Variants in CDKL5 observed in about 807,000 individuals in gnomAD.
The protein encoded by CDKL5 is cyclin-dependent kinase-like 5.
CDKL5 carries 8 observed loss-of-function variants against 61.7 expected under a neutral mutation model. The observed-to-expected ratio is 0.13, with a 90% CI of 0.08 to 0.23. The LOEUF (loss-of-function observed/expected upper bound fraction) is 0.23, where lower values mean the gene tolerates loss of function less well. Among genes scored for constraint, CDKL5 ranks in the 10% least tolerant of loss-of-function variants. The pLI, the probability that CDKL5 is intolerant of heterozygous loss-of-function variation, is 1.00. For missense variants in CDKL5, 440 were observed against 734.5 expected, an observed-to-expected ratio of 0.60 and a Z score of 4.63; for synonymous variants, 275 against 272.3, an observed-to-expected ratio of 1.01 and a Z score of -0.10.
intron 1 of CDKL5, among the ~76,000 whole-genome samples, chrX:18,461,980 C>T (rs1261964100): frequency 9.0e-6 from 1 of 111,420 alleles, no homozygotes; most frequent in East Asian, 2.8e-4. Flanking sequence ...GTAAGCTTAT[C>T]CAACCCGCGG....
intron 3 of CDKL5, among the ~76,000 whole-genome samples, chrX:18,515,805 C>T (rs1922993534): frequency 9.0e-6 from 1 of 111,384 alleles, no homozygotes; most frequent in African/African-American, 3.3e-5. Context: ...CTATTCTTAG[C>T]CTCATTTTAC....
Position 18,628,861 on chromosome X carries a change from A to C in CDKL5, c.*104A>C. 9.2e-7 allele frequency: 1 copy of C among 1,083,703 alleles called. No individual in the cohort carries two copies. Among genetic ancestry groups the C allele is most frequent in the Non-Finnish European group, 1.2e-6 (1 of 840,157 alleles). The allele number at this position is 1,083,703 out of a possible 1,213,427, so 89.3% of individuals were successfully genotyped here. On this transcript the variant is annotated 3_prime_UTR_variant, in exon 18 of 18. Transcript: ENST00000623535. The stretch of plus-strand genomic sequence containing the variant: ...GGGCCGGGCCAAGTGGTGAGCCAAT[A>C]TTTTCAGCTTTATGAAGGTGTGTGC...
chrX:18,635,549 A>C lies in CDKL5; in HGVS notation c.*6792A>C, dbSNP rs746863825. The C allele has an allele frequency of 1.1e-5, 8 of 750,635 alleles. No individual in the cohort carries two copies. The South Asian group carries it at 5.4e-4, about 51-fold the overall frequency. The allele number at this position is 750,635 out of a possible 1,213,427, so 61.9% of individuals were successfully genotyped here. ...TTTGAGGTTGTAATCAGTTTGAGAC[A>C]GAAATTAATGTAAAACTAGGCAAAT... On this transcript the variant is annotated 3_prime_UTR_variant, in exon 18 of 18. Coordinates refer to ENST00000623535, the MANE Select transcript of CDKL5 (RefSeq NM_001323289.2).
chrX:18,570,001 A>G (rs1334536441), intron 4 of CDKL5, among the ~76,000 whole-genome samples: 3 of 111,959 alleles, frequency 2.7e-5, no homozygotes, highest in Non-Finnish European at 5.6e-5. Flanking sequence ...CTTAATTATT[A>G]GAAAACATTT....
chrX:18,509,197 G>GCACGCGCGCGCACACACACA (rs1204561636), intron 2 of CDKL5, among the ~76,000 whole-genome samples: 18 of 64,307 alleles, frequency 2.8e-4, no homozygotes, highest in East Asian at 1.4e-3. Context: ...CTCAAAACAC[G>GCACGCGCGCGCACACACACA]CACACACACA....
rs150209684 is a variant in CDKL5, at chrX:18,490,006, G to A, written c.-162-16929G>A. The stretch of plus-strand genomic sequence containing the variant: ...TCACAGTTCGTGGTCTTCATATTTC[G>A]CTCAGAATAAATCTCTTAAAATATT... On this transcript the variant is annotated intron_variant, in intron 1 of 17. Transcript: ENST00000623535. 7.0e-3 allele frequency among the ~76,000 whole-genome samples: 776 copies of A among 111,283 alleles called. 8 individuals are homozygous for A. The highest frequency in any genetic ancestry group is 0.023 in the African/African-American group (693 of 30,619).
At chrX:18,440,127 TC>T (rs1289749331) in intron 1 of CDKL5, among the ~76,000 whole-genome samples, 3 of 111,273 alleles carry the variant, frequency 2.7e-5, no homozygotes, top group Admixed American at 9.7e-5. Flanking sequence ...TGTTGACTGT[TC>T]CTTTCATTGT....
intron 1 of CDKL5, among the ~76,000 whole-genome samples, chrX:18,427,359 G>C (rs1931390652): frequency 9.2e-6 from 1 of 108,300 alleles, no homozygotes; most frequent in African/African-American, 3.4e-5. Flanking sequence ...GAGGGGGGAA[G>C]GAGCCAGAAG....
Position 18,631,723 on chromosome X carries a change from A to G in CDKL5, c.*2966A>G, listed in dbSNP as rs1436174479. 1.3e-6 allele frequency: 1 copy of G among 754,093 alleles called. No homozygotes were observed. The highest frequency in any genetic ancestry group is 1.6e-6 in the Non-Finnish European group (1 of 639,045). 62.1% of individuals were successfully genotyped at this position (754,093 alleles called of 1,213,427 possible). On this transcript the variant is annotated 3_prime_UTR_variant, in exon 18 of 18. Coordinates refer to ENST00000623535, the MANE Select transcript of CDKL5 (RefSeq NM_001323289.2). Reference sequence around the variant, plus strand: ...AGAAACTCTGCTTCACTGTTTTTCTACCTTTATTTCTCTGCCATCCTCGTT... The same window carrying G: ...AGAAACTCTGCTTCACTGTTTTTCTGCCTTTATTTCTCTGCCATCCTCGTT...
rs79561320 is a variant in CDKL5 at position 18,637,114 on chromosome X, T to G, written c.*8357T>G. The G allele has an allele frequency of 0.11, 11,681 of 110,499 alleles. 1,244 individuals are homozygous for G. Among genetic ancestry groups the G allele is most frequent in the African/African-American group, 0.32 (9,648 of 30,220 alleles). The allele number at this position is 110,499 out of a possible 1,213,427, so 9.1% of individuals were successfully genotyped here. On this transcript the variant is annotated 3_prime_UTR_variant, in exon 18 of 18. Transcript: ENST00000623535. ...CTGTACTAAAAATACAAAAATTAGG[T>G]CTGGGCGGTGGCTCACGCCCGTAAT...
At chrX:18,488,288 G>T (rs1753929084) in intron 1 of CDKL5, among the ~76,000 whole-genome samples, 1 of 111,188 alleles carries the variant, frequency 9.0e-6, no homozygotes, top group East Asian at 2.8e-4. Context: ...AAGAGTTCAG[G>T]ATTTTCAACT....
intron 3 of CDKL5, among the ~76,000 whole-genome samples, chrX:18,518,227 A>C (rs1204820159): frequency 9.2e-6 from 1 of 108,482 alleles, no homozygotes; most frequent in Non-Finnish European, 1.9e-5. Flanking sequence ...ATAAAGTAAA[A>C]TTCAACCAGA....
chrX:18,547,291 A>C (rs760537853), intron 3 of CDKL5, among the ~76,000 whole-genome samples: 6 of 112,209 alleles, frequency 5.3e-5, no homozygotes, highest in Non-Finnish European at 7.5e-5. Context: ...TTTCCTTACA[A>C]ATTAGGAGGT....
rs1193373347 is a variant in CDKL5, at chrX:18,636,194, C to CT, written c.*7438dup. 9.0e-6 allele frequency: 1 copy of CT among 110,863 alleles called. No individual in the cohort carries two copies. The highest frequency in any genetic ancestry group is 3.3e-5 in the African/African-American group (1 of 30,522). The allele number at this position is 110,863 out of a possible 1,213,427, so 9.1% of individuals were successfully genotyped here. A position where few individuals can be genotyped will look rare whatever the true frequency, so the allele number is the denominator to read the frequency against. On this transcript the variant is annotated 3_prime_UTR_variant, in exon 18 of 18. Transcript: ENST00000623535. Reference sequence around the variant, plus strand: ...GTCCTCTGTCAACCACCTCTTCACTCTATCTCCTTAAGTGACATGGAAACT... The same window carrying CT: ...GTCCTCTGTCAACCACCTCTTCACTCTTATCTCCTTAAGTGACATGGAAACT...
chrX:18,651,264 T>TGTGTGTGTGTGTGTGTGTGTGAGAGA (rs1491242962), intron 21 of CDKL5, among the ~76,000 whole-genome samples: 2 of 69,010 alleles, frequency 2.9e-5, no homozygotes, highest in African/African-American at 1.3e-4. Context: ...TGTGTGTGTG[T>TGTGTGTGTGTGTGTGTGTGTGAGAGA]GAGAGAGAGA....
At chrX:18,648,109 G>A (rs1023452282) in intron 20 of CDKL5, among the ~76,000 whole-genome samples, 2 of 111,311 alleles carry the variant, frequency 1.8e-5, no homozygotes, top group Non-Finnish European at 3.8e-5. Context: ...GGCTGAGGCA[G>A]GAGAATCGCT....
chrX:18,554,756 GTTA>G (rs753208728), intron 3 of CDKL5, among the ~76,000 whole-genome samples: 32 of 111,569 alleles, frequency 2.9e-4, no homozygotes, highest in Non-Finnish European at 5.6e-4. Flanking sequence ...TATTACAAAA[GTTA>G]TTATAAAACT....
At chrX:18,470,700 C>T (rs56245820) in intron 1 of CDKL5, among the ~76,000 whole-genome samples, 15,191 of 111,383 alleles carry the variant, frequency 0.14, 941 homozygotes, top group Non-Finnish European at 0.19. Context: ...AATAGATCCT[C>T]CTGAGGTACT....
chrX:18,527,555 G>A (rs1175133697), intron 3 of CDKL5, among the ~76,000 whole-genome samples: 4 of 111,200 alleles, frequency 3.6e-5, no homozygotes, highest in African/African-American at 1.3e-4. Context: ...TCCTTTTAAT[G>A]TCCATGTGAT....
Sources: gnomAD v4.1 joint callset for allele counts (sites outside exome capture counted in the v4.1 genomes callset) on GRCh38, gnomAD v4.1.1 for gene constraint, MANE v1.5 for transcripts, NCBI Gene and HGNC (gene_info 2026-07-23, HGNC 2026-07-21) for gene names.